Variants in YAF2 observed in about 807,000 individuals in gnomAD.
YAF2 encodes the protein YY1-associated factor 2.
Under a neutral mutation model 20.1 loss-of-function variants are expected in YAF2, and 7 were observed. The observed-to-expected ratio is 0.35, with a 90% CI of 0.20 to 0.65. YAF2 has a LOEUF of 0.65. Ranked by LOEUF, YAF2 falls within the 30% of genes least tolerant of loss-of-function variation. The pLI is 0.69. For synonymous variants in YAF2, 74 were observed against 76.0 expected (o/e 0.97, Z 0.14); for missense variants, 151 against 219.2 (o/e 0.69, Z 1.96).
chr12:42,182,139 C>CTTCTTTTATAGTTGTATT (rs1312222889), intron 2 of YAF2, among the ~76,000 whole-genome samples: 50 of 152,162 alleles, frequency 3.3e-4, no homozygotes, highest in African/African-American at 1.1e-3. Flanking sequence ...AAGGTTAAAA[C>CTTCTTTTATAGTTGTATT]TACAAAAGCA....
intron 2 of YAF2, among the ~76,000 whole-genome samples, chr12:42,230,289 G>GAAGAAAGA (rs370911719): frequency 6.6e-6 from 1 of 150,420 alleles, no homozygotes; most frequent in Admixed American, 6.6e-5. Flanking sequence ...AGAAGAAAGA[G>GAAGAAAGA]AAGAAAGAAA....
intron 2 of YAF2, among the ~76,000 whole-genome samples, chr12:42,214,420 T>C (rs764951262): frequency 1.4e-4 from 22 of 152,124 alleles, no homozygotes; most frequent in Non-Finnish European, 3.1e-4. Context: ...ACCAGGCTCA[T>C]GCTACCATGC....
chr12:42,180,875 G>A (rs911181130), intron 2 of YAF2, among the ~76,000 whole-genome samples: 2 of 152,172 alleles, frequency 1.3e-5, no homozygotes, highest in African/African-American at 4.8e-5. Flanking sequence ...TTGAATCCAA[G>A]AGACGGAGGT....
At chr12:42,188,535 A>G (rs1272472557) in intron 2 of YAF2, among the ~76,000 whole-genome samples, 2 of 151,656 alleles carry the variant, frequency 1.3e-5, no homozygotes, top group Non-Finnish European at 2.9e-5. Flanking sequence ...ACAGGCATGC[A>G]CTACCATGCC....
rs1432701001 is a variant in YAF2, at chr12:42,160,564, A to G, written c.*25T>C. 1 of 1,579,354 alleles carries G rather than the reference A, an allele frequency of 6.3e-7. No individual in the cohort carries two copies. Among genetic ancestry groups the G allele is most frequent in the African/African-American group, 1.3e-5 (1 of 74,190 alleles). ...GTATTTGCATGGTAGGACAGAAGTG[A>G]CTAAGAAATTGGAGAAAATAAACTT... On this transcript the variant is annotated 3_prime_UTR_variant, in exon 4 of 4. Coordinates refer to ENST00000534854, the MANE Select transcript of YAF2 (RefSeq NM_005748.6).
chr12:42,237,349 G>T, intron 2 of YAF2: 1 of 1,127,784 alleles, frequency 8.9e-7, no homozygotes, highest in Non-Finnish European at 1.1e-6. Context: ...AATCGCAGTA[G>T]CTAATGCCTC....
At chr12:42,210,041 A>AC in intron 2 of YAF2, among the ~76,000 whole-genome samples, 1 of 152,238 alleles carries the variant, frequency 6.6e-6, no homozygotes, top group Non-Finnish European at 1.5e-5. Context: ...CAGGTGATCC[A>AC]CCCGCCTTGG....
chr12:42,178,425 A>G (rs2066253676), intron 2 of YAF2, among the ~76,000 whole-genome samples: 1 of 152,154 alleles, frequency 6.6e-6, no homozygotes, highest in Non-Finnish European at 1.5e-5. Flanking sequence ...GGTGAAGCAA[A>G]TTATTACATT....
chr12:42,236,441 A>C (rs1175690740), intron 2 of YAF2, among the ~76,000 whole-genome samples: 1 of 152,258 alleles, frequency 6.6e-6, no homozygotes, highest in Non-Finnish European at 1.5e-5. Flanking sequence ...GGGAATATAC[A>C]AAAAGCATAT....
chr12:42,189,267 T>C (rs1385272694), intron 2 of YAF2, among the ~76,000 whole-genome samples: 1 of 152,196 alleles, frequency 6.6e-6, no homozygotes, highest in African/African-American at 2.4e-5. Flanking sequence ...AAAGGCAAGT[T>C]AGAGGCAGGA....
chr12:42,237,302 A>G lies in YAF2; in HGVS notation c.152+297T>C, dbSNP rs79961212. On this transcript the variant is annotated intron_variant, in intron 2 of 3. Coordinates refer to ENST00000534854, the MANE Select transcript of YAF2 (RefSeq NM_005748.6). The stretch of plus-strand genomic sequence containing the variant: ...TGCAGCCAACATTTTTATACCCAGA[A>G]TGGGGAGAGGGGCATTACACCCAGC... 2.9e-3 allele frequency: 2,044 copies of G among 708,360 alleles called. 37 individuals carry two copies. In the African/African-American group the frequency reaches 0.037, roughly 13 times the overall value. The allele number at this position is 708,360 out of a possible 1,614,324, so 43.9% of individuals were successfully genotyped here. A position where few individuals can be genotyped will look rare whatever the true frequency, so the allele number is the denominator to read the frequency against.
At chr12:42,211,551 AC>A (rs2067210554) in intron 2 of YAF2, among the ~76,000 whole-genome samples, 1 of 151,930 alleles carries the variant, frequency 6.6e-6, no homozygotes, top group African/African-American at 2.4e-5. Context: ...AGCCTGACCA[AC>A]ATGGTAAAAC....
At chr12:42,235,209 T>C (rs1417252396) in intron 2 of YAF2, 2 of 992,744 alleles carry the variant, frequency 2.0e-6, no homozygotes, top group Non-Finnish European at 1.2e-6. Flanking sequence ...TGCATCCTTC[T>C]GCTCTGCAGC....
intron 2 of YAF2, among the ~76,000 whole-genome samples, chr12:42,223,260 T>C (rs1379185550): frequency 1.3e-5 from 2 of 152,030 alleles, no homozygotes; most frequent in Admixed American, 6.6e-5. Flanking sequence ...ATGTAGGAAG[T>C]TTCAGTCTAC....
rs959393106 is a variant in YAF2 at position 42,157,763 on chromosome 12, TCA to T, written c.*2824_*2825del. 1 of 150,498 alleles carries T rather than the reference TCA, an allele frequency of 6.6e-6. No homozygotes were observed. Among genetic ancestry groups the T allele is most frequent in the Non-Finnish European group, 1.5e-5 (1 of 67,894 alleles). The allele number at this position is 150,498 out of a possible 1,614,324, so 9.3% of individuals were successfully genotyped here. ...TATTCTTCTGTGCCTCAAATTATAT[TCA>T]CTTTTTAAATATACATATATATATA... On this transcript the variant is annotated 3_prime_UTR_variant, in exon 4 of 4. Coordinates refer to ENST00000534854, the MANE Select transcript of YAF2 (RefSeq NM_005748.6).
chr12:42,237,560 C>T, intron 2 of YAF2, 39 bp downstream of exon 2: 1 of 1,486,850 alleles, frequency 6.7e-7, no homozygotes. Context: ...GGTCGCCACC[C>T]CGCCGGCCGG....
chr12:42,215,220 T>C (rs1461115207), intron 2 of YAF2, among the ~76,000 whole-genome samples: 2 of 152,208 alleles, frequency 1.3e-5, no homozygotes, highest in East Asian at 1.9e-4. Context: ...ATGTTCTAAA[T>C]AACTTTGTTA....
intron 2 of YAF2, among the ~76,000 whole-genome samples, chr12:42,237,193 C>A (rs1440526088): frequency 6.6e-6 from 1 of 152,152 alleles, no homozygotes; most frequent in African/African-American, 2.4e-5. Flanking sequence ...ACTTTTCTTT[C>A]TTTAGGAACG....
At position 42,160,226 on chromosome 12, in the gene YAF2, C is replaced by A; in HGVS notation, c.*363G>T. 1 of 199,534 alleles carries A rather than the reference C, an allele frequency of 5.0e-6. No homozygotes were observed. The highest frequency in any genetic ancestry group is 1.0e-5 in the Non-Finnish European group (1 of 96,582). The allele number at this position is 199,534 out of a possible 1,614,324, so 12.4% of individuals were successfully genotyped here. A position where few individuals can be genotyped will look rare whatever the true frequency, so the allele number is the denominator to read the frequency against. On this transcript the variant is annotated 3_prime_UTR_variant, in exon 4 of 4. Coordinates refer to ENST00000534854, the MANE Select transcript of YAF2 (RefSeq NM_005748.6). ...TCTCAAATAATACATATTTAGGCAG[C>A]TTGCACTATGTTATAAAAAATTTAA...
Sources: gnomAD v4.1 joint callset for allele counts (sites outside exome capture counted in the v4.1 genomes callset) on GRCh38, gnomAD v4.1.1 for gene constraint, MANE v1.5 for transcripts, NCBI Gene and HGNC (gene_info 2026-07-23, HGNC 2026-07-21) for gene names.